Variants in ARSB observed in about 807,000 individuals in gnomAD.
ARSB encodes N-acetylgalactosamine-4-sulfatase.
In ARSB, 41 loss-of-function variants were observed where a neutral mutation model predicts 50.9. The observed-to-expected ratio is 0.81, with a 90% CI of 0.63 to 1.04. The LOEUF (loss-of-function observed/expected upper bound fraction) is 1.04, where lower values mean the gene tolerates loss of function less well. ARSB is among the 50% of genes least tolerant of loss of function. The pLI is 0.00. For synonymous variants in ARSB, 269 were observed against 284.8 expected (o/e 0.94, Z 0.56); for missense variants, 672 against 693.3 (o/e 0.97, Z 0.35).
intron 4 of ARSB, among the ~76,000 whole-genome samples, chr5:78,952,571 A>G (rs957165986): frequency 2.0e-5 from 3 of 152,118 alleles, no homozygotes; most frequent in Non-Finnish European, 4.4e-5. Context: ...TCCTGAACTC[A>G]AGTGACCTGC....
chr5:78,784,767 G>A (rs1009971211), intron 6 of ARSB, among the ~76,000 whole-genome samples: 9 of 145,578 alleles, frequency 6.2e-5, no homozygotes, highest in African/African-American at 1.8e-4. Context: ...CCCAAGATAC[G>A]TTTTGCTAGT....
At chr5:78,835,996 T>C (rs1045285840) in intron 6 of ARSB, among the ~76,000 whole-genome samples, 1 of 152,228 alleles carries the variant, frequency 6.6e-6, no homozygotes, top group Non-Finnish European at 1.5e-5. Context: ...CTACTTCTGA[T>C]TTAACTCCAC....
At chr5:78,781,414 T>C (rs558933618) in intron 7 of ARSB, among the ~76,000 whole-genome samples, 2 of 151,456 alleles carry the variant, frequency 1.3e-5, no homozygotes, top group African/African-American at 4.9e-5. Flanking sequence ...GAGATATGTT[T>C]TGCAAAAGGC....
intron 5 of ARSB, among the ~76,000 whole-genome samples, chr5:78,842,516 G>A (rs1012244247): frequency 2.6e-5 from 4 of 152,116 alleles, no homozygotes; most frequent in Non-Finnish European, 5.9e-5. Flanking sequence ...TCCCCAGACC[G>A]AAGAAGCTGG....
At chr5:78,975,453 T>C (rs1041998995) in intron 1 of ARSB, among the ~76,000 whole-genome samples, 1 of 152,240 alleles carries the variant, frequency 6.6e-6, no homozygotes, top group Non-Finnish European at 1.5e-5. Context: ...TGTCCATTTA[T>C]CAGTGTGATT....
intron 6 of ARSB, among the ~76,000 whole-genome samples, chr5:78,786,459 C>G (rs1554070147): frequency 6.6e-6 from 1 of 152,080 alleles, no homozygotes; most frequent in Non-Finnish European, 1.5e-5. Context: ...GAGTAATGTA[C>G]CATTAACATT....
chr5:78,868,279 A>C (rs926180874), intron 5 of ARSB, among the ~76,000 whole-genome samples: 2 of 125,326 alleles, frequency 1.6e-5, no homozygotes, highest in Admixed American at 1.7e-4. Flanking sequence ...CTAGCAAGGC[A>C]GGCCAACGTT....
At chr5:78,960,202 G>A (rs529615404) in intron 3 of ARSB, among the ~76,000 whole-genome samples, 5 of 152,268 alleles carry the variant, frequency 3.3e-5, no homozygotes, top group South Asian at 2.1e-4. Flanking sequence ...AGAGCTATTA[G>A]CATATTCATG....
chr5:78,796,559 G>A (rs1476095296), intron 6 of ARSB, among the ~76,000 whole-genome samples: 1 of 152,208 alleles, frequency 6.6e-6, no homozygotes, highest in African/African-American at 2.4e-5. Flanking sequence ...CCCCTTTTCA[G>A]TCTCTAAGTG....
chr5:78,885,617 G>A lies in ARSB; in HGVS notation c.1109C>T (p.Pro370Leu), dbSNP rs1429895380. Residue 370 changes from proline to leucine, a missense_variant, in exon 5 of 8, where the codon CCT becomes CTT. By Grantham distance (98) the Pro-to-Leu change is moderately conservative. Transcript: ENST00000264914. ...LARGHTNGTK[P>L]LDGFDVWKTI... ...TTTCCACACGTCGAAGCCATCCAGA[G>A]GCTTTGTGCCATTGGTGTGTCCCCT... 6.2e-7 allele frequency: 1 copy of A among 1,614,110 alleles called. No homozygotes were observed. The highest frequency in any genetic ancestry group is 1.7e-5 in the Admixed American group (1 of 60,014).
chr5:78,864,649 C>T (rs1746618829), intron 5 of ARSB, among the ~76,000 whole-genome samples: 1 of 152,184 alleles, frequency 6.6e-6, no homozygotes, highest in Admixed American at 6.5e-5. Flanking sequence ...CTTGTTTCAG[C>T]ATTAACTCAA....
chr5:78,936,508 G>C (rs1750609075), intron 4 of ARSB, among the ~76,000 whole-genome samples: 1 of 151,484 alleles, frequency 6.6e-6, no homozygotes, highest in African/African-American at 2.4e-5. Context: ...GGGTGGGGAA[G>C]GGATAGGTGT....
At position 78,951,792 on chromosome 5, in the gene ARSB, A is replaced by G. The variant is rs564494878; in HGVS notation, c.898+3503T>C. Among the ~76,000 whole-genome samples the G allele has an allele frequency of 1.4e-3, 215 of 152,240 alleles. 2 individuals are homozygous for G. Among genetic ancestry groups the G allele is most frequent in the Non-Finnish European group, 2.7e-3 (185 of 68,040 alleles). ...TTTAAATGCCTCCACAAAAGGCTTC[A>G]GGGACCAGCTAAACAGAAAGATCTT... On this transcript the variant is annotated intron_variant, in intron 4 of 7. Coordinates refer to ENST00000264914, the MANE Select transcript of ARSB (RefSeq NM_000046.5).
intron 6 of ARSB, among the ~76,000 whole-genome samples, chr5:78,814,103 A>G (rs1230321450): frequency 2.0e-5 from 3 of 150,996 alleles, no homozygotes; most frequent in Non-Finnish European, 4.4e-5. Context: ...ATTTAATTTC[A>G]TGACCACTTC....
At chr5:78,942,482 A>G (rs149381036) in intron 4 of ARSB, among the ~76,000 whole-genome samples, 5,290 of 152,210 alleles carry the variant, frequency 0.035, 290 homozygotes, top group African/African-American at 0.12. Context: ...GGTATGTTGT[A>G]TCTTTTTTCT....
At chr5:78,985,543 T>A, upstream of ARSB, 1 of 239,302 alleles carries the variant, frequency 4.2e-6, no homozygotes, top group African/African-American at 2.3e-5. Context: ...GGCAATTAAA[T>A]TTGCACTGTG....
chr5:78,850,819 T>A (rs1162126480), intron 5 of ARSB, among the ~76,000 whole-genome samples: 1 of 152,250 alleles, frequency 6.6e-6, no homozygotes, highest in East Asian at 1.9e-4. Context: ...TTTATCCGTT[T>A]CTTCTAGATT....
chr5:78,937,393 ATATG>A (rs1385968689), intron 4 of ARSB, among the ~76,000 whole-genome samples: 1 of 144,920 alleles, frequency 6.9e-6, no homozygotes, highest in Non-Finnish European at 1.5e-5. Flanking sequence ...TATATCATAT[ATATG>A]TAAGATATAT....
rs1208400574 is a variant in ARSB, at chr5:78,980,804, G to C, written c.312+4133C>G. Among the ~76,000 whole-genome samples the C allele has an allele frequency of 3.3e-5, 5 of 151,840 alleles. No individual in the cohort carries two copies. In the East Asian group the frequency reaches 9.7e-4, roughly 29 times the overall value. On this transcript the variant is annotated intron_variant, in intron 1 of 7. Coordinates refer to ENST00000264914, the MANE Select transcript of ARSB (RefSeq NM_000046.5). Reference sequence around the variant, plus strand: ...CCTTTTGCAGCTTTTAAGTTTTTAAGCCATGTGAATGTATTTTCTATTTTA... The same window carrying C: ...CCTTTTGCAGCTTTTAAGTTTTTAACCCATGTGAATGTATTTTCTATTTTA...
Sources: gnomAD v4.1 joint callset for allele counts (sites outside exome capture counted in the v4.1 genomes callset) on GRCh38, gnomAD v4.1.1 for gene constraint, MANE v1.5 for transcripts, NCBI Gene and HGNC (gene_info 2026-07-23, HGNC 2026-07-21) for gene names.